Variants in RNGTT observed in about 807,000 individuals in gnomAD.
RNGTT encodes the protein RNA guanylyltransferase and 5'-phosphatase, also known as mRNA-capping enzyme.
RNGTT carries 33 observed loss-of-function variants against 79.3 expected under a neutral mutation model. The ratio of observed to expected loss-of-function variants is 0.42; its 90% CI spans 0.32 to 0.56. The LOEUF (loss-of-function observed/expected upper bound fraction) is 0.56, where lower values mean the gene tolerates loss of function less well. RNGTT is among the 20% of genes least tolerant of loss of function. RNGTT has a pLI of 0.17. For synonymous variants in RNGTT, 222 were observed against 235.9 expected (o/e 0.94, Z 0.54); for missense variants, 497 against 739.1 (o/e 0.67, Z 3.80).
At chr6:88,870,712 C>G (rs1344731994) in intron 8 of RNGTT, among the ~76,000 whole-genome samples, 1 of 152,016 alleles carries the variant, frequency 6.6e-6, no homozygotes, top group Non-Finnish European at 1.5e-5. Context: ...AATTCAGATG[C>G]AATGCACAAA....
chr6:88,883,194 A>AAT (rs1782748185), intron 8 of RNGTT, among the ~76,000 whole-genome samples: 1 of 147,582 alleles, frequency 6.8e-6, no homozygotes, highest in South Asian at 2.2e-4. Context: ...AAAAAAAAAA[A>AAT]ATCGAAGTGC....
At chr6:88,907,014 GATAT>G (rs1783675479) in intron 4 of RNGTT, among the ~76,000 whole-genome samples, 2 of 152,100 alleles carry the variant, frequency 1.3e-5, no homozygotes, top group African/African-American at 4.8e-5. Flanking sequence ...TTAACTGATA[GATAT>G]ATAGTACAAT....
At chr6:88,865,973 A>T (rs370151908) in intron 8 of RNGTT, among the ~76,000 whole-genome samples, 1 of 152,180 alleles carries the variant, frequency 6.6e-6, no homozygotes, top group African/African-American at 2.4e-5. Flanking sequence ...TGTTTCCTTT[A>T]TCTACCAAAA....
intron 13 of RNGTT, among the ~76,000 whole-genome samples, chr6:88,763,348 G>A (rs145596900): frequency 1.8e-4 from 28 of 152,154 alleles, no homozygotes; most frequent in African/African-American, 6.0e-4. Flanking sequence ...GAAGATTTAC[G>A]TACAAGTTTT....
At chr6:88,707,382 G>A (rs1481675093) in intron 13 of RNGTT, among the ~76,000 whole-genome samples, 3 of 99,112 alleles carry the variant, frequency 3.0e-5, no homozygotes, top group Non-Finnish European at 5.7e-5. Context: ...TTTGGAGTAT[G>A]TTTTTATTCT....
intron 11 of RNGTT, among the ~76,000 whole-genome samples, chr6:88,807,528 GA>G (rs1156661418): frequency 6.6e-6 from 1 of 151,182 alleles, no homozygotes; most frequent in Non-Finnish European, 1.5e-5. Flanking sequence ...AATACAAAAA[GA>G]AAAAAAGAGG....
chr6:88,956,726 A>T (rs1182370940), intron 1 of RNGTT, among the ~76,000 whole-genome samples: 1 of 152,210 alleles, frequency 6.6e-6, no homozygotes, highest in Non-Finnish European at 1.5e-5. Flanking sequence ...AGATGCAGAG[A>T]TGGTTTACCA....
intron 12 of RNGTT, among the ~76,000 whole-genome samples, chr6:88,780,341 CCT>C (rs1779022606): frequency 1.3e-5 from 2 of 152,028 alleles, no homozygotes; most frequent in East Asian, 3.9e-4. Flanking sequence ...CCAAATAATC[CCT>C]TTTTCATGAT....
At chr6:88,820,660 C>T (rs1453473168) in intron 11 of RNGTT, among the ~76,000 whole-genome samples, 1 of 152,096 alleles carries the variant, frequency 6.6e-6, no homozygotes, top group Admixed American at 6.5e-5. Context: ...AATCACTTTC[C>T]TATATACCAG....
intron 14 of RNGTT, among the ~76,000 whole-genome samples, chr6:88,668,735 G>T (rs1050222833): frequency 6.6e-6 from 1 of 152,106 alleles, no homozygotes; most frequent in East Asian, 1.9e-4. Flanking sequence ...GGGGACTCAT[G>T]AAAGATACAA....
At chr6:88,893,823 G>A (rs1783132283) in intron 6 of RNGTT, among the ~76,000 whole-genome samples, 1 of 151,968 alleles carries the variant, frequency 6.6e-6, no homozygotes, top group Non-Finnish European at 1.5e-5. Flanking sequence ...ATAAAAAAAA[G>A]TATGATACAC....
chr6:88,795,540 T>C (rs1562256862), intron 12 of RNGTT, among the ~76,000 whole-genome samples: 2 of 151,748 alleles, frequency 1.3e-5, no homozygotes, highest in African/African-American at 4.8e-5. Flanking sequence ...TGTGGGGGGT[T>C]GGGGGCTAGG....
At chr6:88,633,287 AT>A (rs1772974735) in intron 14 of RNGTT, among the ~76,000 whole-genome samples, 1 of 152,162 alleles carries the variant, frequency 6.6e-6, no homozygotes, top group African/African-American at 2.4e-5. Flanking sequence ...CTTGATGAAC[AT>A]TATACAAAGG....
At chr6:88,783,552 A>G (rs1779132230) in intron 12 of RNGTT, among the ~76,000 whole-genome samples, 1 of 152,204 alleles carries the variant, frequency 6.6e-6, no homozygotes, top group African/African-American at 2.4e-5. Flanking sequence ...CAAAAAAGTT[A>G]AATTGTCACA....
At chr6:88,699,772 A>G (rs73496442) in intron 13 of RNGTT, among the ~76,000 whole-genome samples, 1,968 of 152,362 alleles carry the variant, frequency 0.013, 48 homozygotes, top group African/African-American at 0.045. Context: ...TATAATATGG[A>G]TAAAACTTGA....
chr6:88,770,392 A>G (rs1280719551), intron 12 of RNGTT, among the ~76,000 whole-genome samples: 2 of 152,216 alleles, frequency 1.3e-5, no homozygotes, highest in East Asian at 3.8e-4. Context: ...TTCTAGCTAC[A>G]TAAGAAATAC....
chr6:88,771,321 A>ATATATG (rs1778664420), intron 12 of RNGTT, among the ~76,000 whole-genome samples: 1 of 55,826 alleles, frequency 1.8e-5, no homozygotes, highest in Admixed American at 1.7e-4. Context: ...GTGTGTATAT[A>ATATATG]TATATATATA....
chr6:88,896,440 T>C (rs1258582974), intron 6 of RNGTT, among the ~76,000 whole-genome samples: 2 of 152,186 alleles, frequency 1.3e-5, no homozygotes, highest in African/African-American at 4.8e-5. Context: ...TATAACAGGT[T>C]ACCTTAGAAG....
chr6:88,781,410 A>G (rs1779059659), intron 12 of RNGTT, among the ~76,000 whole-genome samples: 1 of 152,240 alleles, frequency 6.6e-6, no homozygotes, highest in Non-Finnish European at 1.5e-5. Flanking sequence ...TGAAGCTAAG[A>G]AAGATCCCTG....
Sources: gnomAD v4.1 joint callset for allele counts (sites outside exome capture counted in the v4.1 genomes callset) on GRCh38, gnomAD v4.1.1 for gene constraint, MANE v1.5 for transcripts, NCBI Gene and HGNC (gene_info 2026-07-23, HGNC 2026-07-21) for gene names.